PLCH1: variants seen among roughly 807,000 people sequenced by gnomAD.
PLCH1 encodes phospholipase C eta 1.
Under a neutral mutation model 126.7 loss-of-function variants are expected in PLCH1, and 60 were observed. The observed-to-expected ratio is 0.47, with a 90% confidence interval of 0.38 to 0.59. The LOEUF (loss-of-function observed/expected upper bound fraction) is 0.59, where lower values mean the gene tolerates loss of function less well. Among genes scored for constraint, PLCH1 ranks in the 20% least tolerant of loss-of-function variants. The pLI is 0.00. For synonymous variants in PLCH1, 719 were observed against 734.9 expected, an observed-to-expected ratio of 0.98 and a Z score of 0.35; for missense variants, 1,723 against 2,040.0, an observed-to-expected ratio of 0.84 and a Z score of 2.99.
chr3:155,537,164 C>T (rs1327159620), intron 10 of PLCH1, among the ~76,000 whole-genome samples: 8 of 125,516 alleles, frequency 6.4e-5, no homozygotes, highest in Admixed American at 1.8e-4. Context: ...TGAGAGAATT[C>T]GCCACTACCA....
At chr3:155,553,660 C>T (rs1726427267) in intron 9 of PLCH1, among the ~76,000 whole-genome samples, 1 of 152,066 alleles carries the variant, frequency 6.6e-6, no homozygotes, top group South Asian at 2.1e-4. Flanking sequence ...TCAACACTGT[C>T]AAATGACAAG....
chr3:155,621,957 T>G (rs1736573680), intron 2 of PLCH1, among the ~76,000 whole-genome samples: 1 of 151,998 alleles, frequency 6.6e-6, no homozygotes, highest in Non-Finnish European at 1.5e-5. Context: ...AGACACATAA[T>G]CGTCAGATTC....
intron 9 of PLCH1, among the ~76,000 whole-genome samples, chr3:155,551,251 C>T (rs1158264801): frequency 6.6e-6 from 1 of 151,906 alleles, no homozygotes; most frequent in Non-Finnish European, 1.5e-5. Context: ...TCGAGACCAG[C>T]CTGGGCAATA....
chr3:155,718,372 G>T (rs1747682786), intron 1 of PLCH1, among the ~76,000 whole-genome samples: 5 of 152,108 alleles, frequency 3.3e-5, no homozygotes, highest in Admixed American at 3.3e-4. Flanking sequence ...TTCCTAAGCT[G>T]CTTCCACATT....
At chr3:155,685,783 G>C (rs1273543191) in intron 2 of PLCH1, among the ~76,000 whole-genome samples, 1 of 152,102 alleles carries the variant, frequency 6.6e-6, no homozygotes, top group African/African-American at 2.4e-5. Flanking sequence ...TGAAAACATG[G>C]AGACTTTTCC....
intron 18 of PLCH1, among the ~76,000 whole-genome samples, chr3:155,491,629 C>T (rs897233674): frequency 2.0e-5 from 3 of 152,084 alleles, no homozygotes; most frequent in East Asian, 1.9e-4. Context: ...TATAACATAA[C>T]GTTGAGCAAG....
chr3:155,667,617 AT>A (rs1273935181), intron 2 of PLCH1, among the ~76,000 whole-genome samples: 1 of 152,164 alleles, frequency 6.6e-6, no homozygotes, highest in Non-Finnish European at 1.5e-5. Context: ...TATAAAACTG[AT>A]TGGCTCAACT....
chr3:155,697,404 T>C (rs947914309), intron 2 of PLCH1, among the ~76,000 whole-genome samples: 3 of 152,122 alleles, frequency 2.0e-5, no homozygotes, highest in African/African-American at 4.8e-5. Context: ...AGGCGTATAA[T>C]ATCGTCAATG....
At chr3:155,638,535 C>T (rs915657937) in intron 2 of PLCH1, among the ~76,000 whole-genome samples, 1 of 152,162 alleles carries the variant, frequency 6.6e-6, no homozygotes, top group African/African-American at 2.4e-5. Flanking sequence ...TCCAAAGCAG[C>T]CAGCTGTGAC....
rs955645117 is a variant in PLCH1 at position 155,523,907 on chromosome 3, T to C, written c.1460A>G (p.Lys487Arg). ...ADEIEDECKF[K>R]LHYSNGTTEH... The stretch of plus-strand genomic sequence containing the variant: ...ATGCCTGCAACTTACATAATGGAGC[T>C]TGAATTTGCACTCGTCTTCAATTTC... The change falls in exon 11 of 23, where the codon AAG becomes AGG. Residue 487 changes from lysine (K) to arginine (R), a missense_variant. Lys to Arg is a conservative substitution (Grantham distance 26). Around this residue, in one of 2 missense-constraint regions of PLCH1, gnomAD observed 776 missense variants for 1,062.9 expected, o/e 0.73. Transcript: ENST00000460012. 13 of 1,578,686 alleles carry C rather than the reference T, an allele frequency of 8.2e-6. No homozygotes were observed. In the Admixed American group the frequency reaches 8.9e-5, roughly 11 times the overall value.
intron 15 of PLCH1, 84 bp downstream of exon 15, chr3:155,497,236 G>A (rs1717172267): frequency 2.1e-6 from 2 of 966,214 alleles, no homozygotes; most frequent in Admixed American, 2.0e-5. Context: ...TTGATAATGG[G>A]ATTAACAAAA....
intron 15 of PLCH1, among the ~76,000 whole-genome samples, chr3:155,496,059 G>A (rs1035125044): frequency 4.6e-5 from 7 of 151,998 alleles, no homozygotes; most frequent in African/African-American, 9.7e-5. Flanking sequence ...TCATTGATAC[G>A]ACCTTGCTAA....
At chr3:155,646,367 C>T (rs1180142341) in intron 2 of PLCH1, among the ~76,000 whole-genome samples, 1 of 152,178 alleles carries the variant, frequency 6.6e-6, no homozygotes, top group African/African-American at 2.4e-5. Context: ...CTTCAGCACT[C>T]ACCTTAGCTG....
At chr3:155,743,747 A>G (rs1749789171) in intron 1 of PLCH1, 1 of 334,786 alleles carries the variant, frequency 3.0e-6, no homozygotes, top group African/African-American at 2.3e-5. Context: ...TGTCATAAAC[A>G]TGCCAATAAA....
chr3:155,731,292 T>G (rs1748753837), intron 1 of PLCH1, among the ~76,000 whole-genome samples: 1 of 152,138 alleles, frequency 6.6e-6, no homozygotes, highest in African/African-American at 2.4e-5. Flanking sequence ...AGACTCAGGC[T>G]CAAGGCCTAT....
rs761184590 is a variant in PLCH1 at position 155,504,579 on chromosome 3, G to T, written c.1680C>A (p.Leu560=). 1 of 1,606,186 alleles carries T rather than the reference G, an allele frequency of 6.2e-7. No individual in the cohort carries two copies. Among genetic ancestry groups the T allele is most frequent in the Admixed American group, 1.7e-5 (1 of 60,000 alleles). Residue 560 remains leucine, a synonymous_variant, in exon 13 of 23, where the codon CTC becomes CTA. Coordinates refer to ENST00000460012, the MANE Select transcript of PLCH1 (RefSeq NM_014996.4). ...ESGKKSHGRS[L]MTNFGKHKKT... Reference sequence around the variant, plus strand: ...CCTTATGTTTTCCAAAGTTGGTCATGAGGGATCGTCCATGTGATTTCTTTC... The same window carrying T: ...CCTTATGTTTTCCAAAGTTGGTCATTAGGGATCGTCCATGTGATTTCTTTC...
At chr3:155,547,891 G>A (rs7638407) in intron 10 of PLCH1, among the ~76,000 whole-genome samples, 2,787 of 118,462 alleles carry the variant, frequency 0.024, 84 homozygotes, top group African/African-American at 0.066. Flanking sequence ...GACTGTTGTG[G>A]GGTGGGGGGA....
intron 2 of PLCH1, among the ~76,000 whole-genome samples, chr3:155,652,577 C>T (rs1188160877): frequency 6.6e-6 from 1 of 152,176 alleles, no homozygotes; most frequent in Admixed American, 6.5e-5. Flanking sequence ...ATTCATCAAA[C>T]GCTTAGTACT....
At chr3:155,593,817 G>T in intron 4 of PLCH1, 124 bp downstream of exon 4, 1 of 931,066 alleles carries the variant, frequency 1.1e-6, no homozygotes, top group Non-Finnish European at 1.6e-6. Flanking sequence ...GGTGTGAGGG[G>T]TAAAGAAAGA....
Sources: allele counts gnomAD v4.1 joint callset (sites outside exome capture counted in the v4.1 genomes callset), GRCh38; gene constraint gnomAD v4.1.1; regional missense constraint gnomAD v4.1.1; transcripts MANE v1.5; gene names NCBI Gene and HGNC (gene_info 2026-07-23, HGNC 2026-07-21).